The following LYST variants were observed in gnomAD, a reference collection of about 807,000 sequenced individuals.
The protein encoded by LYST is lysosomal trafficking regulator, also known as lysosomal-trafficking regulator.
A neutral mutation model predicts 413.6 loss-of-function variants in LYST; 192 were observed. That is an observed-to-expected ratio of 0.46 (90% confidence interval 0.41 to 0.52). LYST has a LOEUF of 0.52. Among genes scored for constraint, LYST ranks in the 20% least tolerant of loss-of-function variants. LYST has a pLI of 0.00. For missense variants in LYST, 3,815 were observed against 4,499.9 expected, an observed-to-expected ratio of 0.85 and a Z score of 4.35; for synonymous variants, 1,525 against 1,567.3, an observed-to-expected ratio of 0.97 and a Z score of 0.64.
At chr1:235,783,435 A>T (rs1028013069) in intron 14 of LYST, among the ~76,000 whole-genome samples, 18 of 152,250 alleles carry the variant, frequency 1.2e-4, no homozygotes, top group African/African-American at 4.1e-4. Context: ...TTCAATGAGA[A>T]CATACGGACA....
At chr1:235,733,201 T>C (rs1161742566) in intron 34 of LYST, among the ~76,000 whole-genome samples, 2 of 152,132 alleles carry the variant, frequency 1.3e-5, no homozygotes, top group African/African-American at 4.8e-5. Flanking sequence ...GTTAGAAAAA[T>C]ATATTTTTCT....
chr1:235,787,949 G>A (rs1023132073), intron 13 of LYST, among the ~76,000 whole-genome samples: 1 of 152,060 alleles, frequency 6.6e-6, no homozygotes, highest in Non-Finnish European at 1.5e-5. Flanking sequence ...AAAGGAGATA[G>A]TATAAAAGGA....
chr1:235,674,061 CAGT>C lies in LYST; in HGVS notation c.11038+3027_11038+3029del, dbSNP rs1659182753. Among the ~76,000 whole-genome samples the C allele has an allele frequency of 2.0e-5, 3 of 152,176 alleles. No individual in the cohort carries two copies. The highest frequency in any genetic ancestry group is 7.2e-5 in the African/African-American group (3 of 41,450). On this transcript the variant is annotated intron_variant, in intron 50 of 52. Transcript: ENST00000389793. This position sits in a 1 kb window ranked among gnomAD's most constrained non-coding sequence, Gnocchi z 4.1. ...CACAGCCCGGGGCAATAAGGCATGC[CAGT>C]CTCTCGTTACTATTCCCAGAAGTTA...
At chr1:235,770,048 G>GAAA in intron 20 of LYST, 112 bp downstream of exon 20, 3 of 840,832 alleles carry the variant, frequency 3.6e-6, no homozygotes, top group African/African-American at 1.8e-5. Context: ...AGAGAAGATG[G>GAAA]AAAAAAAAAA....
rs566669138 is a variant in LYST, at chr1:235,838,958, C to G, written c.-97-5291G>C. 8.5e-5 allele frequency among the ~76,000 whole-genome samples: 13 copies of G among 152,210 alleles called. 2 individuals carry two copies. The East Asian group carries it at 2.3e-3, about 27-fold the overall frequency. On this transcript the variant is annotated intron_variant, in intron 1 of 52. Transcript: ENST00000389793. The stretch of plus-strand genomic sequence containing the variant: ...TATTTGTCATACTCATTCTCTCTCT[C>G]TCCCCCTACTGCCCTATCCCCCACC...
chr1:235,792,043 A>C lies in LYST; in HGVS notation c.4199T>G (p.Leu1400Arg). The C allele has an allele frequency of 6.2e-7, 1 of 1,613,984 alleles. No homozygotes were observed. Among genetic ancestry groups the C allele is most frequent in the Non-Finnish European group, 8.5e-7 (1 of 1,179,828 alleles). Residue 1400 changes from leucine (L) to arginine (R), a missense_variant, in exon 12 of 53, where the codon CTG becomes CGG. Leu to Arg is a moderately radical substitution (Grantham distance 102). Coordinates refer to ENST00000389793, the MANE Select transcript of LYST (RefSeq NM_000081.4). ...ACCGTTGCTTAAATTTGGAGCGTGC[A>C]GTAAAGGGAAGGTTAGATACTGTGA... ...SPSQYLTFPL[L>R]HAPNLSNGVS...
chr1:235,763,529 C>T (rs899809675), intron 21 of LYST, among the ~76,000 whole-genome samples: 3 of 152,206 alleles, frequency 2.0e-5, no homozygotes, highest in Non-Finnish European at 4.4e-5. Flanking sequence ...TTGCTCACTG[C>T]AACCTCTGCC....
chr1:235,748,653 T>G (rs181491421), intron 28 of LYST, among the ~76,000 whole-genome samples: 6 of 152,318 alleles, frequency 3.9e-5, no homozygotes, highest in Non-Finnish European at 5.9e-5. Flanking sequence ...CTTTGTTCAC[T>G]GGGCAGCAGG....
rs151187564 is a variant in LYST, at chr1:235,802,918, G to T, written c.3702C>A (p.Thr1234=). 9 of 1,613,340 alleles carry T rather than the reference G, an allele frequency of 5.6e-6. No homozygotes were observed. Among genetic ancestry groups the T allele is most frequent in the Non-Finnish European group, 7.6e-6 (9 of 1,179,766 alleles). ...DSESNPEDGE[T]QDDGVDLKSE... is the part of the protein sequence containing the mutation. The stretch of plus-strand genomic sequence containing the variant: ...TCAATGATATTTTACCATCATCCTG[G>T]GTTTCGCCATCTTCAGGATTGCTTT... The change falls in exon 8 of 53, where the codon ACC becomes ACA. Residue 1234 remains threonine, a synonymous_variant. Coordinates refer to ENST00000389793, the MANE Select transcript of LYST (RefSeq NM_000081.4).
At chr1:235,857,780 C>T (rs1339248111) in intron 1 of LYST, among the ~76,000 whole-genome samples, 1,461 of 135,858 alleles carry the variant, frequency 0.011, 38 homozygotes, top group African/African-American at 0.038. Context: ...CACACACACA[C>T]ACACATATAT....
Position 235,812,890 on chromosome 1 carries a change from C to T in LYST, c.283+81G>A, listed in dbSNP as rs1673610036. 3.7e-6 allele frequency: 3 copies of T among 819,064 alleles called. 1 individual carries two copies. In the South Asian group the frequency reaches 4.2e-5, roughly 12 times the overall value. 50.7% of individuals were successfully genotyped at this position (819,064 alleles called of 1,614,324 possible). ...AACATATAGTGTTCTGAATCTGAATCAGAATCAAACATTCAGGCAGAAGTA... is the reference window on the plus strand; with the variant it reads ...AACATATAGTGTTCTGAATCTGAATTAGAATCAAACATTCAGGCAGAAGTA... On this transcript the variant is annotated intron_variant, in intron 4 of 52. Transcript: ENST00000389793.
chr1:235,677,740 T>A lies in LYST; in HGVS notation c.10801-121A>T, dbSNP rs1659496515. On this transcript the variant is annotated intron_variant, in intron 48 of 52. Transcript: ENST00000389793. ...TCTTCTCAAACATATCATTCTTCAATCCTATTCAGAGTAAAACAAAGAAAG... is the reference window on the plus strand; with the variant it reads ...TCTTCTCAAACATATCATTCTTCAAACCTATTCAGAGTAAAACAAAGAAAG... 1.1e-5 allele frequency: 8 copies of A among 711,664 alleles called. No homozygotes were observed. In the South Asian group the frequency reaches 1.4e-4, roughly 12 times the overall value. The allele number at this position is 711,664 out of a possible 1,614,324, so 44.1% of individuals were successfully genotyped here.
chr1:235,851,337 T>C (rs1035110923), intron 1 of LYST, among the ~76,000 whole-genome samples: 5 of 151,352 alleles, frequency 3.3e-5, no homozygotes, highest in South Asian at 4.2e-4. Flanking sequence ...CTCACTGATA[T>C]GTGGGAGCTA....
chr1:235,737,854 T>C, intron 31 of LYST: 1 of 1,029,410 alleles, frequency 9.7e-7, no homozygotes, highest in Non-Finnish European at 1.2e-6. Flanking sequence ...ACAGCATTTA[T>C]CCTGCTTTTC....
chr1:235,713,083 T>C (rs112226795), intron 42 of LYST: 1 of 985,446 alleles, frequency 1.0e-6, no homozygotes, highest in Non-Finnish European at 1.2e-6. Context: ...CTCCCAGCCT[T>C]AGTTGCTCTG....
intron 3 of LYST, chr1:235,827,636 G>A (rs966325145): frequency 2.0e-6 from 2 of 984,614 alleles, no homozygotes; most frequent in South Asian, 9.4e-5. Flanking sequence ...AAAGGCCTAT[G>A]TTTTAAATGG....
At chr1:235,821,207 G>T (rs114262417) in intron 3 of LYST, among the ~76,000 whole-genome samples, 3 of 152,180 alleles carry the variant, frequency 2.0e-5, no homozygotes, top group East Asian at 3.8e-4. Context: ...GGAGGCCAAG[G>T]GGGGTGGTTG....
At position 235,781,959 on chromosome 1, in the gene LYST, T is replaced by C; in HGVS notation, c.4991A>G (p.Lys1664Arg). 1 of 1,613,788 alleles carries C rather than the reference T, an allele frequency of 6.2e-7. No individual in the cohort carries two copies. Among genetic ancestry groups the C allele is most frequent in the South Asian group, 1.1e-5 (1 of 91,078 alleles). The change falls in exon 15 of 53, where the codon AAA becomes AGA. Residue 1664 changes from lysine to arginine, a missense_variant. This residue lies in a region of LYST where 530 missense variants were observed against 696.5 expected (regional missense o/e 0.76). Coordinates refer to ENST00000389793, the MANE Select transcript of LYST (RefSeq NM_000081.4). Reference sequence around the variant, plus strand: ...GAGAAGCAAATTTCCCAGGTCCCATTTTCCAGCCAACTGCAAAAACTCTTC... The same window carrying C: ...GAGAAGCAAATTTCCCAGGTCCCATCTTCCAGCCAACTGCAAAAACTCTTC... Reference protein sequence around the residue: ...SQEEFLQLAGKWDLGNLLLFN... With the variant: ...SQEEFLQLAGRWDLGNLLLFN...
chr1:235,802,063 G>A (rs773627976), intron 8 of LYST, among the ~76,000 whole-genome samples: 7 of 151,750 alleles, frequency 4.6e-5, no homozygotes, highest in Admixed American at 1.3e-4. Context: ...GCATGGTGGC[G>A]GGCTCCTGAA....
Sources: allele counts gnomAD v4.1 joint callset (sites outside exome capture counted in the v4.1 genomes callset), GRCh38; gene constraint gnomAD v4.1.1; regional missense constraint gnomAD v4.1.1; non-coding constraint Gnocchi (gnomAD v3.1); transcripts MANE v1.5; gene names NCBI Gene and HGNC (gene_info 2026-07-23, HGNC 2026-07-21).